The following EMC1 variants were observed in gnomAD, a reference collection of about 807,000 sequenced individuals.
The protein encoded by EMC1 is ER membrane protein complex subunit 1.
In EMC1, 103 loss-of-function variants were observed where a neutral mutation model predicts 128.8. The ratio of observed to expected loss-of-function variants is 0.80; its 90% CI spans 0.68 to 0.94. The LOEUF is 0.94. EMC1 is among the 40% of genes least tolerant of loss of function. The pLI is 0.00. For synonymous variants in EMC1, 442 were observed against 490.4 expected, an observed-to-expected ratio of 0.90 and a Z score of 1.30; for missense variants, 1,083 against 1,250.6, an observed-to-expected ratio of 0.87 and a Z score of 2.02.
At chr1:19,230,820 T>C (rs372007732) in intron 17 of EMC1, 24 bp downstream of exon 17, 1 of 1,613,678 alleles carries the variant, frequency 6.2e-7, no homozygotes, top group Non-Finnish European at 8.5e-7. Context: ...CCACAAAGGG[T>C]TGTGCCAGGA....
In EMC1 at chr1:19,238,122, G is replaced by C. The variant is rs747996783; in HGVS notation, c.1107C>G (p.Phe369Leu). 5.0e-6 allele frequency: 8 copies of C among 1,614,102 alleles called. No homozygotes were observed. Among genetic ancestry groups the C allele is most frequent in the Non-Finnish European group, 6.8e-6 (8 of 1,180,012 alleles). ...ATAGGTTAATGGTGTAGGTCTGATT[G>C]AAGCAAGCCAGAGAGTCCTAGGAGT... ...KSSSKDSLAC[F>L]NQTYTINLYL... The change falls in exon 11 of 23, where the codon TTC becomes TTG. Residue 369 changes from phenylalanine (F) to leucine (L), a missense_variant. By Grantham distance (22) the Phe-to-Leu change is conservative. Transcript: ENST00000477853.
rs374425694 is a variant in EMC1, at chr1:19,239,948, C to T, written c.824G>A (p.Arg275Gln). 2.9e-4 allele frequency: 475 copies of T among 1,613,328 alleles called. 9 individuals carry two copies. The South Asian group carries it at 4.1e-3, about 14-fold the overall frequency. ...TGGGTTGGGCTGGGTAGGCAGGACC[C>T]GGGGTTGGAATCCACTTCCAAATTC... ...DLEFGSGFQPRVLPTQPNPVD... is the reference protein window; with the variant it reads ...DLEFGSGFQPQVLPTQPNPVD... The change falls in exon 8 of 23, where the codon CGG becomes CAG. Residue 275 changes from arginine to glutamine, a missense_variant. Physicochemically the swap from Arg to Gln is conservative, Grantham distance 43. This residue lies in a region of EMC1 where 544 missense variants were observed against 572.4 expected (regional missense o/e 0.95). Transcript: ENST00000477853.
rs2093599213 is a variant in EMC1, at chr1:19,240,541, G to A, written c.637-95C>T. On this transcript the variant is annotated intron_variant, in intron 6 of 22. Transcript: ENST00000477853. ...ATATTGCTGCCAGCATCCCACTGGG[G>A]GTCCTAAGCTCAAAGGTTCTTCATG... 6 of 1,397,646 alleles carry A rather than the reference G, an allele frequency of 4.3e-6. No individual in the cohort carries two copies. In the South Asian group the frequency reaches 6.2e-5, roughly 14 times the overall value. 86.6% of individuals were successfully genotyped at this position (1,397,646 alleles called of 1,614,324 possible).
At chr1:19,238,286 G>T in intron 10 of EMC1, 147 bp from the exon 11 acceptor site, 1 of 878,404 alleles carries the variant, frequency 1.1e-6, no homozygotes, top group Non-Finnish European at 1.7e-6. Context: ...AAAGAGAAAA[G>T]CAAGCTAAAT....
In EMC1 at chr1:19,243,627, G is replaced by C; in HGVS notation, c.367C>G (p.Leu123Val). Reference protein sequence around the residue: ...NIGGLNWEITLDSGSFQALGL... With the variant: ...NIGGLNWEITVDSGSFQALGL... Reference sequence around the variant, plus strand: ...TTTCTCCCCTACCTGCCACTGTCCAGGGTTATCTCCCAGTTCAGGCCCCCG... The same window carrying C: ...TTTCTCCCCTACCTGCCACTGTCCACGGTTATCTCCCAGTTCAGGCCCCCG... The change falls in exon 4 of 23, where the codon CTG becomes GTG. Residue 123 changes from leucine (L) to valine (V), a missense_variant. By Grantham distance (32) the Leu-to-Val change is conservative. This residue lies in a region of EMC1 where 544 missense variants were observed against 572.4 expected (regional missense o/e 0.95). Coordinates refer to ENST00000477853, the MANE Select transcript of EMC1 (RefSeq NM_015047.3). 1.2e-6 allele frequency: 2 copies of C among 1,614,042 alleles called. No homozygotes were observed. The highest frequency in any genetic ancestry group is 4.5e-5 in the East Asian group (2 of 44,884).
At position 19,247,306 on chromosome 1, in the gene EMC1, T is replaced by C. The variant is rs2093635999; in HGVS notation, c.96-2276A>G. Among the ~76,000 whole-genome samples the C allele has an allele frequency of 2.0e-5, 3 of 152,338 alleles. 1 individual carries two copies. The Middle Eastern group carries it at 0.01, about 518-fold the overall frequency. ...CTCCCATCTCAGCCTCCCAAGTAGCTGGGATTTCAGGTGCATGCCATTGTG... is the reference window on the plus strand; with the variant it reads ...CTCCCATCTCAGCCTCCCAAGTAGCCGGGATTTCAGGTGCATGCCATTGTG... On this transcript the variant is annotated intron_variant, in intron 1 of 22. Coordinates refer to ENST00000477853, the MANE Select transcript of EMC1 (RefSeq NM_015047.3).
chr1:19,231,087 A>C, intron 16 of EMC1, 124 bp from the exon 17 acceptor site: 10 of 1,395,748 alleles, frequency 7.2e-6, no homozygotes, highest in Non-Finnish European at 9.8e-6. Context: ...AGTTCTGTTA[A>C]GAACCTGAGT....
chr1:19,243,855 T>C, intron 3 of EMC1, 95 bp downstream of exon 3: 1 of 1,460,838 alleles, frequency 6.8e-7, no homozygotes, highest in African/African-American at 1.4e-5. Flanking sequence ...GAGTCCCCAG[T>C]CTCCTTTCCC....
rs375338119 is a variant in EMC1, at chr1:19,250,128, G to A, written c.95+1287C>T. On this transcript the variant is annotated intron_variant, in intron 1 of 22. Coordinates refer to ENST00000477853, the MANE Select transcript of EMC1 (RefSeq NM_015047.3). ...AGCTACTCGGGAGGCTGAGGCAGGA[G>A]AATCGCTTGAACCCCAGAGGCGGAG... Among the ~76,000 whole-genome samples, 6 of 140,488 alleles carry A rather than the reference G, an allele frequency of 4.3e-5. No individual in the cohort carries two copies. The Admixed American group carries it at 4.8e-4, about 11-fold the overall frequency. 92.2% of individuals were successfully genotyped at this position (140,488 alleles called of 152,430 possible).
rs1475912770 is a variant in EMC1, at chr1:19,228,773, C to T, written c.2065-1323G>A. ...AATGAGAAAAAAAAATAAAATGGGC[C>T]GGGCGTGGTGGCTCACACCTGTAAT... On this transcript the variant is annotated intron_variant, in intron 17 of 22. Coordinates refer to ENST00000477853, the MANE Select transcript of EMC1 (RefSeq NM_015047.3). 2.6e-5 allele frequency among the ~76,000 whole-genome samples: 4 copies of T among 152,068 alleles called. No individual in the cohort carries two copies. In the East Asian group the frequency reaches 5.8e-4, roughly 22 times the overall value.
intron 16 of EMC1, 68 bp from the exon 17 acceptor site, chr1:19,231,031 A>G (rs2093517335): frequency 1.3e-6 from 2 of 1,584,304 alleles, no homozygotes; most frequent in Non-Finnish European, 8.6e-7. Flanking sequence ...CCTTAAGAAT[A>G]AAACTGCAAA....
chr1:19,242,110 C>T (rs1419462223), intron 5 of EMC1, among the ~76,000 whole-genome samples: 2 of 152,096 alleles, frequency 1.3e-5, no homozygotes, highest in Non-Finnish European at 2.9e-5. Context: ...TAGCATGGCT[C>T]GCCCTAGCAC....
chr1:19,242,762 T>A (rs1055352841), intron 4 of EMC1, among the ~76,000 whole-genome samples: 1 of 152,154 alleles, frequency 6.6e-6, no homozygotes, highest in Admixed American at 6.5e-5. Context: ...CTGCCACATA[T>A]CCATGAGACA....
intron 7 of EMC1, 41 bp downstream of exon 7, chr1:19,240,256 G>A (rs1312441114): frequency 1.9e-6 from 3 of 1,612,194 alleles, no homozygotes; most frequent in African/African-American, 2.7e-5. Flanking sequence ...ACTCCCCGCA[G>A]GAAATGCCTC....
At chr1:19,249,543 C>T (rs796847248) in intron 1 of EMC1, among the ~76,000 whole-genome samples, 8 of 152,254 alleles carry the variant, frequency 5.3e-5, no homozygotes, top group African/African-American at 1.9e-4. Flanking sequence ...TAAGTACATG[C>T]TACAACGTTT....
intron 1 of EMC1, among the ~76,000 whole-genome samples, chr1:19,245,395 C>T (rs955126558): frequency 4.0e-4 from 61 of 151,850 alleles, no homozygotes; most frequent in African/African-American, 1.4e-3. Context: ...GAGCTGAGAT[C>T]GCACCATTGC....
chr1:19,219,507 T>C (rs768489406), intron 22 of EMC1, 25 bp from the exon 23 acceptor site: 1 of 1,613,792 alleles, frequency 6.2e-7, no homozygotes, highest in Non-Finnish European at 8.5e-7. Flanking sequence ...GAATAAGAAT[T>C]AGGAAAGAAA....
chr1:19,231,216 A>G, intron 16 of EMC1, 45 bp downstream of exon 16: 1 of 1,550,178 alleles, frequency 6.5e-7, no homozygotes, highest in African/African-American at 1.4e-5. Flanking sequence ...CTGGCCCCAA[A>G]CCGGACTCCG....
rs893724710 is a variant in EMC1, at chr1:19,219,115, T to C, written c.*188A>G. ...GCTGAGAGAGTTCTGTCTCTCTCCA[T>C]GTAGGATCCTTTCTGCATCATGTAT... On this transcript the variant is annotated 3_prime_UTR_variant, in exon 23 of 23. Coordinates refer to ENST00000477853, the MANE Select transcript of EMC1 (RefSeq NM_015047.3). The C allele has an allele frequency of 6.8e-6, 4 of 588,298 alleles. No homozygotes were observed. Among genetic ancestry groups the C allele is most frequent in the Non-Finnish European group, 1.2e-5 (4 of 331,494 alleles). The allele number at this position is 588,298 out of a possible 1,614,324, so 36.4% of individuals were successfully genotyped here.
Sources: gnomAD v4.1 joint callset for allele counts (sites outside exome capture counted in the v4.1 genomes callset) on GRCh38, gnomAD v4.1.1 for gene constraint, gnomAD v4.1.1 regional missense constraint, MANE v1.5 for transcripts, NCBI Gene and HGNC (gene_info 2026-07-23, HGNC 2026-07-21) for gene names.